HEATR4: variants seen among roughly 807,000 people sequenced by gnomAD.
HEATR4 encodes HEAT repeat containing 4, also known as HEAT repeat-containing protein 4.
HEATR4 carries 95 observed loss-of-function variants against 108.8 expected under a neutral mutation model. The ratio of observed to expected loss-of-function variants is 0.87; its 90% CI spans 0.74 to 1.04. The LOEUF (loss-of-function observed/expected upper bound fraction) is 1.04, where lower values mean the gene tolerates loss of function less well. HEATR4 is among the 50% of genes least tolerant of loss of function. HEATR4 has a pLI of 0.00. For missense variants in HEATR4, 1,152 were observed against 1,253.8 expected, an observed-to-expected ratio of 0.92 and a Z score of 1.23; for synonymous variants, 443 against 459.4, an observed-to-expected ratio of 0.96 and a Z score of 0.46.
rs1886834994 is a variant in HEATR4 at position 73,506,491 on chromosome 14, G to A, written c.1962C>T (p.Ser654=). The A allele has an allele frequency of 1.2e-6, 2 of 1,613,722 alleles. No individual in the cohort carries two copies. The highest frequency in any genetic ancestry group is 1.3e-5 in the African/African-American group (1 of 75,056). ...KNRIVACQAF[S]RISGNVCLDM... Reference sequence around the variant, plus strand: ...CCAAGCAGACATTTCCACTGATCCGGGAGAAAGCCTGGCAGGCCACAATCC... The same window carrying A: ...CCAAGCAGACATTTCCACTGATCCGAGAGAAAGCCTGGCAGGCCACAATCC... The change falls in exon 10 of 18, where the codon TCC becomes TCT. Residue 654 remains serine (S), a synonymous_variant. Coordinates refer to ENST00000553558, the MANE Select transcript of HEATR4 (RefSeq NM_001220484.1).
At chr14:73,606,759 G>A in the HEATR4 span, among the ~76,000 whole-genome samples, 32 of 152,108 alleles carry the variant, frequency 2.1e-4, no homozygotes, top group Non-Finnish European at 1.2e-4. Context: ...CTCCTTCCCT[G>A]AGCCCGGAAT....
intron 1 of HEATR4, among the ~76,000 whole-genome samples, chr14:73,536,516 TAAA>T (rs543491523): frequency 1.7e-5 from 1 of 59,344 alleles, no homozygotes; most frequent in Non-Finnish European, 3.2e-5. Flanking sequence ...CCTGTCTCTT[TAAA>T]AAAAAAAAAA....
At chr14:73,592,081 A>G in the HEATR4 span, 1 of 1,487,444 alleles carries the variant, frequency 6.7e-7, no homozygotes, top group Non-Finnish European at 8.9e-7. Flanking sequence ...CTGCGCGACG[A>G]GAAGGGCGCG....
chr14:73,499,143 G>A lies in HEATR4; in HGVS notation c.2287-3C>T, dbSNP rs374170978. 5 of 1,613,818 alleles carry A rather than the reference G, an allele frequency of 3.1e-6. No individual in the cohort carries two copies. In the African/African-American group the frequency reaches 6.7e-5, roughly 22 times the overall value. On this transcript the variant is annotated splice_polypyrimidine_tract_variant and splice_region_variant and intron_variant, in intron 12 of 17. Transcript: ENST00000553558. The stretch of plus-strand genomic sequence containing the variant: ...AGGTTCAGGAGGCATTCAAGCACCT[G>A]GGATGGAAAAGGCAGTGTTGAGTGG...
At chr14:73,614,823 G>A in the HEATR4 span, among the ~76,000 whole-genome samples, 1 of 151,848 alleles carries the variant, frequency 6.6e-6, no homozygotes, top group African/African-American at 2.4e-5. Context: ...GGAGCCGGGC[G>A]CAGTGGCTCA....
At chr14:73,506,672 A>C in intron 9 of HEATR4, 101 bp from the exon 10 acceptor site, 2 of 832,690 alleles carry the variant, frequency 2.4e-6, no homozygotes, top group Non-Finnish European at 4.0e-6. Flanking sequence ...AATTAATGTC[A>C]CCAGTGGGCT....
rs1216540965 is a variant in HEATR4 at position 73,523,144 on chromosome 14, C to A, written c.9G>T (p.Arg3Ser). 6.3e-7 allele frequency: 1 copy of A among 1,591,636 alleles called. No homozygotes were observed. The highest frequency in any genetic ancestry group is 8.5e-7 in the Non-Finnish European group (1 of 1,174,790). Residue 3 changes from arginine (R) to serine (S), a missense_variant, in exon 3 of 18, where the codon AGG becomes AGT. Coordinates refer to ENST00000553558, the MANE Select transcript of HEATR4 (RefSeq NM_001220484.1). ...GGAGAAAGGTCTTTCCCTTCTGGGT[C>A]CTGGTCATACCGCGTCCCAGCAAAT... MTRTQKGKTFLPH... is the reference protein window; with the variant it reads MTSTQKGKTFLPH...
rs1190439344 is a variant in HEATR4 at position 73,494,561 on chromosome 14, T to G, written c.2785+667A>C. 3.3e-5 allele frequency among the ~76,000 whole-genome samples: 5 copies of G among 152,158 alleles called. 1 individual carries two copies. The East Asian group carries it at 7.7e-4, about 23-fold the overall frequency. ...AGCACTATTTTTTGTTTGTTTGTTT[T>G]TTTGTTTGAGACAGGGTCCCACTTT... On this transcript the variant is annotated intron_variant, in intron 16 of 17. Transcript: ENST00000553558.
Position 73,495,383 on chromosome 14 carries a change from T to G in HEATR4, c.2630A>C (p.Lys877Thr). Reference sequence around the variant, plus strand: ...CAGCAAGTCCTTTTGGCTTAGTGTTTTAATCTAAATTAGAACAAATAATGT... The same window carrying G: ...CAGCAAGTCCTTTTGGCTTAGTGTTGTAATCTAAATTAGAACAAATAATGT... ...EMLQEIKNRI[K>T]TLSQKDLLTH... The change falls in exon 16 of 18, where the codon AAA (lysine) becomes ACA (threonine). Residue 877 changes from lysine (K) to threonine (T), a missense_variant. Physicochemically the swap from Lys to Thr is moderately conservative, Grantham distance 78. Transcript: ENST00000553558. 6.2e-7 allele frequency: 1 copy of G among 1,611,916 alleles called. No homozygotes were observed. The highest frequency in any genetic ancestry group is 8.5e-7 in the Non-Finnish European group (1 of 1,178,618).
the HEATR4 span, among the ~76,000 whole-genome samples, chr14:73,628,527 G>C: frequency 1.3e-5 from 2 of 152,128 alleles, no homozygotes; most frequent in Non-Finnish European, 2.9e-5. Context: ...GCCGAGGCGG[G>C]CGGATCATCT....
At chr14:73,579,363 T>C in the HEATR4 span, among the ~76,000 whole-genome samples, 1 of 138,092 alleles carries the variant, frequency 7.2e-6, no homozygotes, top group Non-Finnish European at 1.5e-5. Context: ...GATCATGAGG[T>C]CGGGAGTCTG....
rs767493773 is a variant in HEATR4, at chr14:73,478,797, G to C, written c.2890C>G (p.Pro964Ala). 4 of 1,611,132 alleles carry C rather than the reference G, an allele frequency of 2.5e-6. No homozygotes were observed. Among genetic ancestry groups the C allele is most frequent in the African/African-American group, 2.7e-5 (2 of 74,664 alleles). Residue 964 changes from proline to alanine, a missense_variant, in exon 18 of 18, where the codon CCA (proline) becomes GCA (alanine). Physicochemically the swap from Pro to Ala is conservative, Grantham distance 27. Coordinates refer to ENST00000553558, the MANE Select transcript of HEATR4 (RefSeq NM_001220484.1). ...APNPWLQSSV[P>A]GLTTRSKVRS... ...ACTTTGCTTCGTGTGGTTAGGCCTG[G>C]GACTGAACTTTGTAACCAGGGATTT... is the stretch of plus-strand genomic sequence containing the variant.
the HEATR4 span, chr14:73,592,450 CA>C: frequency 6.8e-7 from 1 of 1,467,530 alleles, no homozygotes. Context: ...GTGTGAGCGT[CA>C]GTGGCCTGAG....
chr14:73,513,748 AAAAAAAAAAT>A (rs1320774194), intron 6 of HEATR4, among the ~76,000 whole-genome samples: 1 of 149,952 alleles, frequency 6.7e-6, no homozygotes, highest in African/African-American at 2.5e-5. Flanking sequence ...AAAAAAAAAA[AAAAAAAAAAT>A]GGTCTCTGCC....
rs200603832 is a variant in HEATR4 at position 73,492,148 on chromosome 14, C to G, written c.2844+918G>C. 170 of 1,613,896 alleles carry G rather than the reference C, an allele frequency of 1.1e-4. No individual in the cohort carries two copies. The highest frequency in any genetic ancestry group is 4.9e-5 in the Non-Finnish European group (58 of 1,179,900). On this transcript the variant is annotated intron_variant, in intron 17 of 17. Transcript: ENST00000553558. The surrounding 1 kb of genome is among the most constrained non-coding windows in gnomAD (Gnocchi z 4.9). ...TGGCTCTGACATCCAGCCCCAACTT[C>G]AGTCAGGACGACCTCGGTGAGCCGG...
chr14:73,604,428 A>G, the HEATR4 span, among the ~76,000 whole-genome samples: 1 of 151,164 alleles, frequency 6.6e-6, no homozygotes, highest in Non-Finnish European at 1.5e-5. Context: ...GCCTCTGAAA[A>G]TGCTGGGATT....
At chr14:73,605,573 T>TTC in the HEATR4 span, among the ~76,000 whole-genome samples, 1 of 131,832 alleles carries the variant, frequency 7.6e-6, no homozygotes, top group Non-Finnish European at 1.6e-5. Flanking sequence ...TTTTTTTTTT[T>TTC]TTTTTTTTTT....
At chr14:73,630,056 T>TA in the HEATR4 span, among the ~76,000 whole-genome samples, 5 of 148,980 alleles carry the variant, frequency 3.4e-5, no homozygotes, top group East Asian at 2.0e-4. Flanking sequence ...CAAAAAAATT[T>TA]AAAAAAAAAA....
Position 73,537,405 on chromosome 14 carries a change from T to C in HEATR4, c.-151-7161A>G, listed in dbSNP as rs1433384684. On this transcript the variant is annotated intron_variant, in intron 1 of 17. Transcript: ENST00000553558. ...CAGCTGAGGCAGTTTGGCCGGATTA[T>C]TTGGGTTCCTGCTCGGATGGCGGCG... 18 of 1,234,608 alleles carry C rather than the reference T, an allele frequency of 1.5e-5. 6 individuals carry two copies. The highest frequency in any genetic ancestry group is 1.9e-5 in the Non-Finnish European group (18 of 931,652). The allele number at this position is 1,234,608 out of a possible 1,614,324, so 76.5% of individuals were successfully genotyped here. A position where few individuals can be genotyped will look rare whatever the true frequency, so the allele number is the denominator to read the frequency against.
Sources: allele counts gnomAD v4.1 joint callset (sites outside exome capture counted in the v4.1 genomes callset), GRCh38; gene constraint gnomAD v4.1.1; non-coding constraint Gnocchi (gnomAD v3.1); transcripts MANE v1.5; gene names NCBI Gene and HGNC (gene_info 2026-07-23, HGNC 2026-07-21).